Variants in EOGT observed in about 807,000 individuals in gnomAD.
EOGT encodes the protein EGF domain specific O-linked N-acetylglucosamine transferase.
Under a neutral mutation model 70.5 loss-of-function variants are expected in EOGT, and 55 were observed. That is an observed-to-expected ratio of 0.78 (90% confidence interval 0.63 to 0.98). The LOEUF (loss-of-function observed/expected upper bound fraction) is 0.98. EOGT is among the 50% of genes least tolerant of loss of function. The pLI, the probability that EOGT is intolerant of heterozygous loss-of-function variation, is 0.00. For synonymous variants in EOGT, 246 were observed against 217.1 expected (o/e 1.13, Z -1.17); for missense variants, 703 against 641.9 (o/e 1.10, Z -1.03).
intron 16 of EOGT, among the ~76,000 whole-genome samples, chr3:68,978,770 C>G (rs539725515): frequency 6.6e-6 from 1 of 152,214 alleles, no homozygotes; most frequent in South Asian, 2.1e-4. Context: ...CTTCCAAGGT[C>G]ATATAACTAA....
intron 1 of EOGT, among the ~76,000 whole-genome samples, chr3:69,013,079 T>C (rs549732727): frequency 6.6e-6 from 1 of 152,118 alleles, no homozygotes; most frequent in East Asian, 1.9e-4. Flanking sequence ...AGAGCCCAGC[T>C]GTCCGCTTGA....
intron 15 of EOGT, among the ~76,000 whole-genome samples, chr3:68,982,449 G>C (rs1331358669): frequency 6.6e-6 from 1 of 152,206 alleles, no homozygotes; most frequent in African/African-American, 2.4e-5. Context: ...GAACCCAGGA[G>C]GTGGAGGTTG....
intron 4 of EOGT, among the ~76,000 whole-genome samples, chr3:69,008,871 A>G (rs1384062983): frequency 2.6e-5 from 4 of 152,202 alleles, no homozygotes; most frequent in African/African-American, 7.2e-5. Context: ...TCCCTAAAAG[A>G]CATATAAACT....
At position 69,009,852 on chromosome 3, in the gene EOGT, C is replaced by T. The variant is rs747169048; in HGVS notation, c.-6G>A. On this transcript the variant is annotated 5_prime_UTR_variant, in exon 4 of 18. Transcript: ENST00000383701. Reference sequence around the variant, plus strand: ...AAGACAAACAACATTAACATAGCAACCTGCAAACCTAGAGATCAAAATGAA... The same window carrying T: ...AAGACAAACAACATTAACATAGCAATCTGCAAACCTAGAGATCAAAATGAA... 1.2e-5 allele frequency: 20 copies of T among 1,610,568 alleles called. No homozygotes were observed. In the Middle Eastern group the frequency reaches 5.0e-4, roughly 40 times the overall value.
At chr3:69,009,491 G>C (rs914689282) in intron 4 of EOGT, 146 bp downstream of exon 4, 2 of 616,236 alleles carry the variant, frequency 3.2e-6, no homozygotes, top group Non-Finnish European at 5.6e-6. Flanking sequence ...TAGTCACTTA[G>C]AAGTATTATA....
At chr3:68,986,897 C>A (rs1004111162) in intron 14 of EOGT, among the ~76,000 whole-genome samples, 18 of 152,198 alleles carry the variant, frequency 1.2e-4, no homozygotes, top group African/African-American at 4.3e-4. Flanking sequence ...AGAATAAATT[C>A]TTACTACTGA....
chr3:68,988,373 G>C lies in EOGT; in HGVS notation c.1005C>G (p.Gly335=). The change falls in exon 13 of 18, where the codon GGC becomes GGG. Residue 335 remains glycine (G), a synonymous_variant. Transcript: ENST00000383701. ...CCCTGAATAGTCCAGTATTTTGACA[G>C]CCAGATATCTAAAATAAAAACACTG... The part of the protein sequence containing the change: ...GLFYNTPLIS[G]CQNTGLFRAF... The C allele has an allele frequency of 6.5e-7, 1 of 1,535,170 alleles. No homozygotes were observed. Among genetic ancestry groups the C allele is most frequent in the Non-Finnish European group, 8.7e-7 (1 of 1,146,144 alleles).
chr3:68,979,749 TTG>T lies in EOGT; in HGVS notation c.1251_1252del (p.His417GlnfsTer27). 1 of 1,613,688 alleles carries T rather than the reference TTG, an allele frequency of 6.2e-7. No homozygotes were observed. On this transcript the variant is annotated frameshift_variant, in exon 16 of 18. Coordinates refer to ENST00000383701, the MANE Select transcript of EOGT (RefSeq NM_001278689.2). LOFTEE classifies it high-confidence loss of function. ...ATGCATTCCAATAAATATGTCCGTGTTGTGTGTGATCCTTAGTTGATCTAAAA... is the reference window on the plus strand; with the variant it reads ...ATGCATTCCAATAAATATGTCCGTGTTGTGTGATCCTTAGTTGATCTAAAA...
In EOGT at chr3:68,976,641, C is replaced by CGTGTGTGTGTGTGTGTGTGTGTGTGTGT. The variant is rs58263145; in HGVS notation, c.*949_*976dup. 1.0e-4 allele frequency: 15 copies of CGTGTGTGTGTGTGTGTGTGTGTGTGTGT among 144,400 alleles called. No individual in the cohort carries two copies. The highest frequency in any genetic ancestry group is 3.6e-4 in the African/African-American group (14 of 38,462). The allele number at this position is 144,400 out of a possible 1,614,324, so 8.9% of individuals were successfully genotyped here. On this transcript the variant is annotated 3_prime_UTR_variant, in exon 18 of 18. Coordinates refer to ENST00000383701, the MANE Select transcript of EOGT (RefSeq NM_001278689.2). ...CTTGGTACTGAGAATCACAACTCTG[C>CGTGTGTGTGTGTGTGTGTGTGTGTGTGT]GTGTGTGTGTGTGTGTGTGTGTGTG...
In EOGT at chr3:69,012,530, T is replaced by C. The variant is rs1013568782; in HGVS notation, c.-86A>G. On this transcript the variant is annotated 5_prime_UTR_variant, in exon 2 of 18. Transcript: ENST00000383701. ...CTAAACTCACCGATCAGTGGAGAAG[T>C]AACGCTTAGGCGATGGAAAAAATCT... 1 of 152,392 alleles carries C rather than the reference T, an allele frequency of 6.6e-6. No individual in the cohort carries two copies. Among genetic ancestry groups the C allele is most frequent in the African/African-American group, 2.4e-5 (1 of 41,450 alleles). The allele number at this position is 152,392 out of a possible 1,614,324, so 9.4% of individuals were successfully genotyped here.
Position 68,992,617 on chromosome 3 carries a change from G to T in EOGT, c.832-3600C>A, listed in dbSNP as rs112557551. Among the ~76,000 whole-genome samples the T allele has an allele frequency of 4.6e-3, 706 of 152,236 alleles. 6 individuals carry two copies. The highest frequency in any genetic ancestry group is 5.8e-3 in the Non-Finnish European group (393 of 68,008). Reference sequence around the variant, plus strand: ...GCTGTCAGTGGATCTACCATTCTGGGGTCTGGAGGATGATGGCCCTCTTCT... The same window carrying T: ...GCTGTCAGTGGATCTACCATTCTGGTGTCTGGAGGATGATGGCCCTCTTCT... On this transcript the variant is annotated intron_variant, in intron 10 of 17. Coordinates refer to ENST00000383701, the MANE Select transcript of EOGT (RefSeq NM_001278689.2).
intron 14 of EOGT, among the ~76,000 whole-genome samples, chr3:68,983,638 T>C (rs534510882): frequency 3.3e-5 from 5 of 152,282 alleles, no homozygotes; most frequent in African/African-American, 1.2e-4. Flanking sequence ...TCTAAGAGTG[T>C]CGTTAGGTTT....
rs529355417 is a variant in EOGT, at chr3:69,008,485, G to T, written c.254C>A (p.Ser85Tyr). The T allele has an allele frequency of 1.9e-5, 30 of 1,614,014 alleles. No homozygotes were observed. In the South Asian group the frequency reaches 3.0e-4, roughly 16 times the overall value. Residue 85 changes from serine (S) to tyrosine (Y), a missense_variant, in exon 5 of 18, where the codon TCC becomes TAC. Ser to Tyr is a moderately radical substitution (Grantham distance 144, BLOSUM62 -2). Transcript: ENST00000383701. ...ACCAAACCTGAACTCTGGTTTGCAG[G>T]ATTTCTCATAACCCCAGCAGTACTT... ...KLKYCWGYEK[S>Y]CKPEFRFGYP...
rs1319197973 is a variant in EOGT at position 69,013,577 on chromosome 3, G to C, written c.-359C>G. The C allele has an allele frequency of 6.5e-6, 1 of 154,364 alleles. No homozygotes were observed. 9.6% of individuals were successfully genotyped at this position (154,364 alleles called of 1,614,324 possible). On this transcript the variant is annotated 5_prime_UTR_variant, in exon 1 of 18. Transcript: ENST00000383701. ...GCAGATTGCGGGGGAGTCCCACCTG[G>C]AGCCGGGGCAGCCGTGAACTACCGA... is the stretch of plus-strand genomic sequence containing the variant.
intron 14 of EOGT, among the ~76,000 whole-genome samples, chr3:68,986,888 G>T (rs906663256): frequency 6.6e-5 from 10 of 152,190 alleles, no homozygotes; most frequent in Admixed American, 4.6e-4. Context: ...AACTATTGTA[G>T]AATAAATTCT....
rs2090464745 is a variant in EOGT at position 68,976,031 on chromosome 3, G to A, written c.*1587C>T. 6.6e-6 allele frequency: 1 copy of A among 152,222 alleles called. No individual in the cohort carries two copies. Among genetic ancestry groups the A allele is most frequent in the South Asian group, 2.1e-4 (1 of 4,832 alleles). The allele number at this position is 152,222 out of a possible 1,614,324, so 9.4% of individuals were successfully genotyped here. A position where few individuals can be genotyped will look rare whatever the true frequency, so the allele number is the denominator to read the frequency against. On this transcript the variant is annotated 3_prime_UTR_variant, in exon 18 of 18. Transcript: ENST00000383701. ...TAAAATGTAAACTTCACATTGTGCA[G>A]TAAAATAAATCCATGGTTTCTGACT... is the stretch of plus-strand genomic sequence containing the variant.
chr3:69,006,320 C>T (rs935803662), intron 6 of EOGT, among the ~76,000 whole-genome samples: 1 of 152,200 alleles, frequency 6.6e-6, no homozygotes, highest in Non-Finnish European at 1.5e-5. Context: ...CCTGAGGCCT[C>T]ATTCACCTTG....
chr3:68,993,826 G>A (rs1401463914), intron 10 of EOGT, among the ~76,000 whole-genome samples: 6 of 152,146 alleles, frequency 3.9e-5, no homozygotes, highest in Non-Finnish European at 5.9e-5. Flanking sequence ...GGCAGCAAGG[G>A]AAAATGAGGA....
rs565948809 is a variant in EOGT, at chr3:68,979,920, A to C, written c.1215-133T>G. On this transcript the variant is annotated intron_variant, in intron 15 of 17. Coordinates refer to ENST00000383701, the MANE Select transcript of EOGT (RefSeq NM_001278689.2). ...TTTAAACCACATTCCATTTTTAAGA[A>C]GCATTTTTGCCAATTTCAAGTGCGC... 59 of 848,934 alleles carry C rather than the reference A, an allele frequency of 6.9e-5. No individual in the cohort carries two copies. The Admixed American group carries it at 8.0e-4, about 11-fold the overall frequency. The allele number at this position is 848,934 out of a possible 1,614,324, so 52.6% of individuals were successfully genotyped here.
Sources: allele counts gnomAD v4.1 joint callset (sites outside exome capture counted in the v4.1 genomes callset), GRCh38; gene constraint gnomAD v4.1.1; transcripts MANE v1.5; gene names NCBI Gene and HGNC (gene_info 2026-07-23, HGNC 2026-07-21).